KCNQ1OT1: variants seen among roughly 807,000 people sequenced by gnomAD.
The protein encoded by KCNQ1OT1 is KCNQ1 opposite strand/antisense transcript 1.
At chr11:2,648,559 T>C (rs1009383379) in exon 1 of KCNQ1OT1, 1 of 398,434 alleles carries the variant, frequency 2.5e-6, no homozygotes, top group Admixed American at 4.4e-5. Context: ...TGTAGTTTGA[T>C]TTCCGTGTAT....
At position 2,690,342 on chromosome 11, in the gene KCNQ1OT1, C is replaced by G; in HGVS notation, n.9653G>C. 7.5e-6 allele frequency: 3 copies of G among 398,658 alleles called. No individual in the cohort carries two copies. The highest frequency in any genetic ancestry group is 1.3e-5 in the Non-Finnish European group (3 of 226,100). The allele number at this position is 398,658 out of a possible 1,614,324, so 24.7% of individuals were successfully genotyped here. A position where few individuals can be genotyped will look rare whatever the true frequency, so the allele number is the denominator to read the frequency against. On this transcript the variant is annotated non_coding_transcript_exon_variant, in exon 1 of 1. Coordinates refer to ENST00000597346, the Ensembl canonical transcript of KCNQ1OT1. The surrounding 1 kb of genome is among the most constrained non-coding windows in gnomAD (Gnocchi z 5.1). ...TAAATGATGTCAAGTCTGAGGCTGC[C>G]CTGCAGCTGCTGTTTCCACTACTTG... is the stretch of plus-strand genomic sequence containing the variant.
At chr11:2,630,501 T>C (rs936483541) in exon 1 of KCNQ1OT1, 1 of 398,246 alleles carries the variant, frequency 2.5e-6, no homozygotes, top group Non-Finnish European at 4.4e-6. Flanking sequence ...ACATTTTATT[T>C]TTGATGCCCC....
chr11:2,647,124 C>A lies in KCNQ1OT1; in HGVS notation n.52871G>T, dbSNP rs1849678203. 5.0e-6 allele frequency: 2 copies of A among 398,366 alleles called. No individual in the cohort carries two copies. The highest frequency in any genetic ancestry group is 8.8e-6 in the Non-Finnish European group (2 of 226,024). The allele number at this position is 398,366 out of a possible 1,614,324, so 24.7% of individuals were successfully genotyped here. ...GTGGCTGTGGGTTTGTCATATATGA[C>A]CTTCATTGAGTTATGTTCCTTCTAG... On this transcript the variant is annotated non_coding_transcript_exon_variant, in exon 1 of 1. Transcript: ENST00000597346. The surrounding 1 kb of genome is among the most constrained non-coding windows in gnomAD (Gnocchi z 4.0).
chr11:2,671,804 A>C lies in KCNQ1OT1; in HGVS notation n.28191T>G, dbSNP rs115246282. 3.2e-3 allele frequency: 1,269 copies of C among 398,694 alleles called. 12 individuals carry two copies. Among genetic ancestry groups the C allele is most frequent in the African/African-American group, 0.023 (1,143 of 48,734 alleles). 24.7% of individuals were successfully genotyped at this position (398,694 alleles called of 1,614,324 possible). On this transcript the variant is annotated non_coding_transcript_exon_variant, in exon 1 of 1. Coordinates refer to ENST00000597346, the Ensembl canonical transcript of KCNQ1OT1. This position sits in a 1 kb window ranked among gnomAD's most constrained non-coding sequence, Gnocchi z 4.7. Reference sequence around the variant, plus strand: ...TGACCCAGTCAGGGTTCTTCCCCCAAATAAATCCCTGCAACCCCACTGTGG... The same window carrying C: ...TGACCCAGTCAGGGTTCTTCCCCCACATAAATCCCTGCAACCCCACTGTGG...
rs1434921729 is a variant in KCNQ1OT1 at position 2,620,842 on chromosome 11, C to T, written n.79153G>A. ...AGCGTTCCCTTTTCTCTGCAGCCTT[C>T]CCAGCAACTTTTATTTTTTTGACTT... On this transcript the variant is annotated non_coding_transcript_exon_variant, in exon 1 of 1. Transcript: ENST00000597346. The surrounding 1 kb of genome is among the most constrained non-coding windows in gnomAD (Gnocchi z 4.5). 13 of 398,426 alleles carry T rather than the reference C, an allele frequency of 3.3e-5. No individual in the cohort carries two copies. Among genetic ancestry groups the T allele is most frequent in the Middle Eastern group, 6.2e-4 (1 of 1,610 alleles). 24.7% of individuals were successfully genotyped at this position (398,426 alleles called of 1,614,324 possible). A position where few individuals can be genotyped will look rare whatever the true frequency, so the allele number is the denominator to read the frequency against.
chr11:2,643,205 T>C, exon 1 of KCNQ1OT1: 4 of 398,306 alleles, frequency 1.0e-5, no homozygotes, highest in East Asian at 3.6e-5. Context: ...TTAAATCCAA[T>C]GTTTCTTTGT....
chr11:2,680,245 A>G (rs1053103640), exon 1 of KCNQ1OT1: 1 of 397,216 alleles, frequency 2.5e-6, no homozygotes, highest in East Asian at 3.6e-5. Context: ...ATCTGTGTGT[A>G]TATTCATATC....
chr11:2,667,887 C>G (rs1450956683), exon 1 of KCNQ1OT1: 1 of 398,494 alleles, frequency 2.5e-6, no homozygotes, highest in South Asian at 1.3e-4. Context: ...GTCTCAAGTG[C>G]GCAGCTTGAG....
chr11:2,677,307 TAAAG>T lies in KCNQ1OT1; in HGVS notation n.22684_22687del. On this transcript the variant is annotated non_coding_transcript_exon_variant, in exon 1 of 1. Transcript: ENST00000597346. The surrounding 1 kb of genome is among the most constrained non-coding windows in gnomAD (Gnocchi z 4.5). ...GTCAAAATAGGAGATTTCATCAAGT[TAAAG>T]AAAATGATGTCAAATGATTTCTCAA... is the stretch of plus-strand genomic sequence containing the variant. The T allele has an allele frequency of 2.5e-6, 1 of 398,560 alleles. No individual in the cohort carries two copies. Among genetic ancestry groups the T allele is most frequent in the Non-Finnish European group, 4.4e-6 (1 of 226,044 alleles). The allele number at this position is 398,560 out of a possible 1,614,324, so 24.7% of individuals were successfully genotyped here. A position where few individuals can be genotyped will look rare whatever the true frequency, so the allele number is the denominator to read the frequency against.
Position 2,659,484 on chromosome 11 carries a change from C to T in KCNQ1OT1, n.40511G>A, listed in dbSNP as rs1026574227. ...TGGTATTCCATTGCATGAATATATACATTTTGTTTATGCATTCACCTGTTG... is the reference window on the plus strand; with the variant it reads ...TGGTATTCCATTGCATGAATATATATATTTTGTTTATGCATTCACCTGTTG... On this transcript the variant is annotated non_coding_transcript_exon_variant, in exon 1 of 1. Coordinates refer to ENST00000597346, the Ensembl canonical transcript of KCNQ1OT1. The surrounding 1 kb of genome is among the most constrained non-coding windows in gnomAD (Gnocchi z 4.3). 1.5e-5 allele frequency: 6 copies of T among 398,368 alleles called. No homozygotes were observed. The Admixed American group carries it at 2.6e-4, about 18-fold the overall frequency. 24.7% of individuals were successfully genotyped at this position (398,368 alleles called of 1,614,324 possible). A position where few individuals can be genotyped will look rare whatever the true frequency, so the allele number is the denominator to read the frequency against.
Position 2,651,968 on chromosome 11 carries a change from G to A in KCNQ1OT1, n.48027C>T. On this transcript the variant is annotated non_coding_transcript_exon_variant, in exon 1 of 1. Transcript: ENST00000597346. This position sits in a 1 kb window ranked among gnomAD's most constrained non-coding sequence, Gnocchi z 6.1. ...CAGCCAGCAGCAGTGGGGGAGCCAA[G>A]CTGAGTTGATTACTTTTGACATCAG... 1 of 398,716 alleles carries A rather than the reference G, an allele frequency of 2.5e-6. No individual in the cohort carries two copies. Among genetic ancestry groups the A allele is most frequent in the South Asian group, 1.3e-4 (1 of 7,862 alleles). 24.7% of individuals were successfully genotyped at this position (398,716 alleles called of 1,614,324 possible). A position where few individuals can be genotyped will look rare whatever the true frequency, so the allele number is the denominator to read the frequency against.
At chr11:2,618,453 A>C (rs1381337975) in exon 1 of KCNQ1OT1, 1 of 398,482 alleles carries the variant, frequency 2.5e-6, no homozygotes, top group East Asian at 3.6e-5. Flanking sequence ...CATTTATGAG[A>C]GAGACTATCT....
At chr11:2,631,346 C>G (rs1444106698) in exon 1 of KCNQ1OT1, 1 of 398,336 alleles carries the variant, frequency 2.5e-6, no homozygotes, top group Non-Finnish European at 4.4e-6. Flanking sequence ...ATTCCTCCTT[C>G]TATTTGATCA....
At position 2,678,859 on chromosome 11, in the gene KCNQ1OT1, A is replaced by T. The variant is rs1015700383; in HGVS notation, n.21136T>A. 1 of 398,640 alleles carries T rather than the reference A, an allele frequency of 2.5e-6. No individual in the cohort carries two copies. Among genetic ancestry groups the T allele is most frequent in the East Asian group, 3.6e-5 (1 of 28,078 alleles). The allele number at this position is 398,640 out of a possible 1,614,324, so 24.7% of individuals were successfully genotyped here. On this transcript the variant is annotated non_coding_transcript_exon_variant, in exon 1 of 1. Coordinates refer to ENST00000597346, the Ensembl canonical transcript of KCNQ1OT1. This position sits in a 1 kb window ranked among gnomAD's most constrained non-coding sequence, Gnocchi z 4.9. ...AAGGCAGAATCCAGGTCGGGGGTGC[A>T]CAGGAGTTGCCAGCTGGACCCAAGG...
Position 2,609,614 on chromosome 11 carries a change from G to A in KCNQ1OT1, n.90381C>T, listed in dbSNP as rs138423290. ...TCTTGTACTACACATTATTGAAAGTGGAGTGTTGAAGTCTCCAACTACTAT... is the reference window on the plus strand; with the variant it reads ...TCTTGTACTACACATTATTGAAAGTAGAGTGTTGAAGTCTCCAACTACTAT... On this transcript the variant is annotated non_coding_transcript_exon_variant, in exon 1 of 1. Coordinates refer to ENST00000597346, the Ensembl canonical transcript of KCNQ1OT1. The A allele has an allele frequency of 3.3e-3, 1,299 of 398,330 alleles. 15 individuals are homozygous for A. Among genetic ancestry groups the A allele is most frequent in the African/African-American group, 0.024 (1,186 of 48,726 alleles). 24.7% of individuals were successfully genotyped at this position (398,330 alleles called of 1,614,324 possible).
At chr11:2,646,382 T>C (rs975351383) in exon 1 of KCNQ1OT1, 8 of 398,554 alleles carry the variant, frequency 2.0e-5, no homozygotes, top group Admixed American at 8.8e-5. Flanking sequence ...ATTACTGTTA[T>C]CAGTATTTTA....
rs1849209879 is a variant in KCNQ1OT1 at position 2,623,549 on chromosome 11, C to G, written n.76446G>C. ...GTAGTTTCTTCAGATTGCCTTATTT[C>G]ACATAGTAATATGTTTTTTAATTAC... On this transcript the variant is annotated non_coding_transcript_exon_variant, in exon 1 of 1. Transcript: ENST00000597346. The surrounding 1 kb of genome is among the most constrained non-coding windows in gnomAD (Gnocchi z 5.2). 2.8e-5 allele frequency: 11 copies of G among 398,422 alleles called. No individual in the cohort carries two copies. The highest frequency in any genetic ancestry group is 4.9e-5 in the Non-Finnish European group (11 of 226,044). The allele number at this position is 398,422 out of a possible 1,614,324, so 24.7% of individuals were successfully genotyped here. A position where few individuals can be genotyped will look rare whatever the true frequency, so the allele number is the denominator to read the frequency against.
chr11:2,687,439 C>T lies in KCNQ1OT1; in HGVS notation n.12556G>A, dbSNP rs1038107893. 10 of 398,710 alleles carry T rather than the reference C, an allele frequency of 2.5e-5. No homozygotes were observed. Among genetic ancestry groups the T allele is most frequent in the African/African-American group, 2.1e-4 (10 of 48,612 alleles). The allele number at this position is 398,710 out of a possible 1,614,324, so 24.7% of individuals were successfully genotyped here. ...ACCTGTGTCCACCCAGCTGTCCATA[C>T]AGATCCCTGCCTGCACAAGAGCTGC... is the stretch of plus-strand genomic sequence containing the variant. On this transcript the variant is annotated non_coding_transcript_exon_variant, in exon 1 of 1. Coordinates refer to ENST00000597346, the Ensembl canonical transcript of KCNQ1OT1. This position sits in a 1 kb window ranked among gnomAD's most constrained non-coding sequence, Gnocchi z 5.0.
chr11:2,650,322 T>C (rs1849737414), exon 1 of KCNQ1OT1: 1 of 398,640 alleles, frequency 2.5e-6, no homozygotes, highest in Non-Finnish European at 4.4e-6. Context: ...TTTCTTGTTT[T>C]TTTCCCCCCA....
Sources: allele counts gnomAD v4.1 joint callset, GRCh38; gene constraint gnomAD v4.1.1; non-coding constraint Gnocchi (gnomAD v3.1); transcripts MANE v1.5; gene names NCBI Gene and HGNC (gene_info 2026-07-23, HGNC 2026-07-21).